LMF1: variants seen among roughly 807,000 people sequenced by gnomAD.
The protein encoded by LMF1 is transmembrane protein 112.
A neutral mutation model predicts 60.6 loss-of-function variants in LMF1; 68 were observed. The ratio of observed to expected loss-of-function variants is 1.12; its 90% confidence interval spans 0.92 to 1.37. The LOEUF is 1.37. Among genes scored for constraint, LMF1 ranks in the 40% most tolerant of loss-of-function variants. The pLI is 0.00. For synonymous variants in LMF1, 418 were observed against 324.7 expected (o/e 1.29, Z -3.09); for missense variants, 948 against 767.2 (o/e 1.24, Z -2.78).
At position 853,782 on chromosome 16, in the gene LMF1, A is replaced by G. The variant is rs2069111155; in HGVS notation, c.*750T>C. 2.2e-6 allele frequency: 1 copy of G among 454,000 alleles called. No homozygotes were observed. The highest frequency in any genetic ancestry group is 2.0e-5 in the African/African-American group (1 of 50,002). 28.1% of individuals were successfully genotyped at this position (454,000 alleles called of 1,614,324 possible). A position where few individuals can be genotyped will look rare whatever the true frequency, so the allele number is the denominator to read the frequency against. ...TGCACGGCCGGCTGTCCTCCGATTG[A>G]GGGGCCTTGTCAAGGCCTCAGAGGC... is the stretch of plus-strand genomic sequence containing the variant. On this transcript the variant is annotated 3_prime_UTR_variant, in exon 11 of 11. Coordinates refer to ENST00000262301, the MANE Select transcript of LMF1 (RefSeq NM_022773.4).
intron 4 of LMF1, chr16:900,370 C>T (rs942832104): frequency 6.6e-6 from 1 of 152,308 alleles, no homozygotes; most frequent in Admixed American, 6.5e-5. Flanking sequence ...TCAGAAGGCC[C>T]TACCTCTGGG....
At chr16:957,557 G>C (rs1338030857) in intron 1 of LMF1, among the ~76,000 whole-genome samples, 2 of 152,172 alleles carry the variant, frequency 1.3e-5, no homozygotes, top group Non-Finnish European at 2.9e-5. Flanking sequence ...CACCCAGTCA[G>C]TGCTTCCGCC....
rs1445926355 is a variant in LMF1 at position 955,204 on chromosome 16, A to C, written c.194-538T>G. On this transcript the variant is annotated intron_variant, in intron 1 of 10. Coordinates refer to ENST00000262301, the MANE Select transcript of LMF1 (RefSeq NM_022773.4). ...ACACACACACACATCTAAGTAAACT[A>C]GACAAGTTACATAAAAGGCGTGCCT... 1.6e-4 allele frequency among the ~76,000 whole-genome samples: 21 copies of C among 133,514 alleles called. 6 individuals are homozygous for C. Among genetic ancestry groups the C allele is most frequent in the African/African-American group, 6.7e-4 (21 of 31,406 alleles). 87.6% of individuals were successfully genotyped at this position (133,514 alleles called of 152,430 possible).
chr16:975,016 A>ACC (rs149234002), upstream of LMF1, among the ~76,000 whole-genome samples: 1 of 152,074 alleles, frequency 6.6e-6, no homozygotes, highest in Non-Finnish European at 1.5e-5. Flanking sequence ...CCAGCGGCCA[A>ACC]CCCCCCCACC....
Position 910,062 on chromosome 16 carries a change from GC to G in LMF1, c.663+868del, listed in dbSNP as rs534977853. Among the ~76,000 whole-genome samples the G allele has an allele frequency of 2.6e-4, 39 of 152,338 alleles. No homozygotes were observed. The East Asian group carries it at 6.9e-3, about 27-fold the overall frequency. On this transcript the variant is annotated intron_variant, in intron 4 of 10. Coordinates refer to ENST00000262301, the MANE Select transcript of LMF1 (RefSeq NM_022773.4). ...AAAACATGAAGATTTTATCATTCCA[GC>G]CCAAAATGAAAATCTTACTACCAAA... is the stretch of plus-strand genomic sequence containing the variant.
intron 3 of LMF1, among the ~76,000 whole-genome samples, chr16:920,363 C>T (rs967079952): frequency 1.2e-4 from 18 of 152,356 alleles, no homozygotes; most frequent in African/African-American, 3.4e-4. Flanking sequence ...CACAGGAAAA[C>T]GTGCTTGCCA....
At chr16:947,634 A>C in intron 2 of LMF1, 1 of 455,764 alleles carries the variant, frequency 2.2e-6, no homozygotes, top group Non-Finnish European at 4.4e-6. Context: ...AAGTTTCTGG[A>C]GAGGATCTTT....
intron 3 of LMF1, among the ~76,000 whole-genome samples, chr16:916,710 GA>G (rs2071289050): frequency 6.6e-6 from 1 of 152,232 alleles, no homozygotes; most frequent in Admixed American, 6.5e-5. Context: ...TGGCCACGGG[GA>G]AAACATCTTT....
intron 10 of LMF1, among the ~76,000 whole-genome samples, chr16:864,771 T>A (rs1421853913): frequency 3.3e-5 from 5 of 151,564 alleles, no homozygotes; most frequent in African/African-American, 1.2e-4. Context: ...ATTACAGGCA[T>A]GCACCACCAT....
At chr16:885,218 C>A (rs1011223152) in intron 5 of LMF1, 4 of 152,124 alleles carry the variant, frequency 2.6e-5, no homozygotes, top group Non-Finnish European at 5.9e-5. Context: ...AACCCTAAAA[C>A]CACCACACAA....
chr16:930,038 C>T (rs533071982), intron 3 of LMF1, among the ~76,000 whole-genome samples: 2 of 149,018 alleles, frequency 1.3e-5, no homozygotes, highest in African/African-American at 5.0e-5. Context: ...AACGGGGGCA[C>T]AGGGCCCTGG....
At position 858,948 on chromosome 16, in the gene LMF1, T is replaced by C. The variant is rs1392534942; in HGVS notation, c.1530-4242A>G. On this transcript the variant is annotated intron_variant, in intron 10 of 10. Coordinates refer to ENST00000262301, the MANE Select transcript of LMF1 (RefSeq NM_022773.4). ...GTCACGGGACGGGTGTGCAGTGGTG[T>C]CACGGGACGGGTGTGCAGTGGTGTC... Among the ~76,000 whole-genome samples, 75 of 79,458 alleles carry C rather than the reference T, an allele frequency of 9.4e-4. 1 individual carries two copies. The highest frequency in any genetic ancestry group is 5.6e-3 in the African/African-American group (69 of 12,226). The allele number at this position is 79,458 out of a possible 152,430, so 52.1% of individuals were successfully genotyped here. A position where few individuals can be genotyped will look rare whatever the true frequency, so the allele number is the denominator to read the frequency against.
chr16:870,971 T>G (rs914827208), intron 7 of LMF1, 89 bp from the exon 8 acceptor site: 6 of 1,478,254 alleles, frequency 4.1e-6, no homozygotes, highest in African/African-American at 2.8e-5. Flanking sequence ...TCCCTAAGGG[T>G]CAGCTGTCCT....
At chr16:953,310 C>T (rs373155493) in intron 2 of LMF1, among the ~76,000 whole-genome samples, 42 of 47,774 alleles carry the variant, frequency 8.8e-4, no homozygotes, top group South Asian at 3.2e-3. Context: ...GCCTCCTACA[C>T]GTCCACACAG....
At chr16:966,599 G>A (rs766145088) in intron 1 of LMF1, among the ~76,000 whole-genome samples, 33 of 115,374 alleles carry the variant, frequency 2.9e-4, no homozygotes, top group Non-Finnish European at 4.4e-4. Flanking sequence ...GGTCCTTTCC[G>A]ACGTTCAGAT....
rs1434464269 is a variant in LMF1, at chr16:954,930, G to A, written c.194-264C>T. 3.3e-4 allele frequency among the ~76,000 whole-genome samples: 47 copies of A among 142,328 alleles called. 1 individual carries two copies. The highest frequency in any genetic ancestry group is 1.1e-3 in the African/African-American group (41 of 36,882). 93.4% of individuals were successfully genotyped at this position (142,328 alleles called of 152,430 possible). On this transcript the variant is annotated intron_variant, in intron 1 of 10. Coordinates refer to ENST00000262301, the MANE Select transcript of LMF1 (RefSeq NM_022773.4). ...GAACTAGACACGTTACATAAAATGC[G>A]TGCCCGCAGCAGACGCGGTGTGTGC... is the stretch of plus-strand genomic sequence containing the variant.
intron 2 of LMF1, among the ~76,000 whole-genome samples, chr16:935,257 GC>G (rs937622428): frequency 6.6e-6 from 1 of 151,980 alleles, no homozygotes; most frequent in African/African-American, 2.4e-5. Flanking sequence ...ACACCATGAT[GC>G]CCCACTAATT....
chr16:874,984 A>C lies in LMF1; in HGVS notation c.898-3643T>G, dbSNP rs983693814. Reference sequence around the variant, plus strand: ...CACACTGCCTGTGAGGGGGCAGGATACATCGCAGCCGGGACTGCCGGCCGA... The same window carrying C: ...CACACTGCCTGTGAGGGGGCAGGATCCATCGCAGCCGGGACTGCCGGCCGA... On this transcript the variant is annotated intron_variant, in intron 6 of 10. Coordinates refer to ENST00000262301, the MANE Select transcript of LMF1 (RefSeq NM_022773.4). The surrounding 1 kb of genome is among the most constrained non-coding windows in gnomAD (Gnocchi z 4.1). Among the ~76,000 whole-genome samples, 3 of 152,178 alleles carry C rather than the reference A, an allele frequency of 2.0e-5. No homozygotes were observed. Among genetic ancestry groups the C allele is most frequent in the African/African-American group, 4.8e-5 (2 of 41,440 alleles).
chr16:860,750 C>G (rs2069438682), intron 10 of LMF1, among the ~76,000 whole-genome samples: 1 of 151,308 alleles, frequency 6.6e-6, no homozygotes, highest in African/African-American at 2.5e-5. Flanking sequence ...CATGGAATTG[C>G]TTTTGCGCTT....
Sources: allele counts gnomAD v4.1 joint callset (sites outside exome capture counted in the v4.1 genomes callset), GRCh38; gene constraint gnomAD v4.1.1; non-coding constraint Gnocchi (gnomAD v3.1); transcripts MANE v1.5; gene names NCBI Gene and HGNC (gene_info 2026-07-23, HGNC 2026-07-21).